KIF25: variants seen among roughly 807,000 people sequenced by gnomAD.
The protein encoded by KIF25 is kinesin family member 25.
Under a neutral mutation model 32.9 loss-of-function variants are expected in KIF25, and 19 were observed. The ratio of observed to expected loss-of-function variants is 0.58; its 90% CI spans 0.40 to 0.85. The LOEUF is 0.85. KIF25 is among the 40% of genes least tolerant of loss of function. The pLI is 0.00. For missense variants in KIF25, 485 were observed against 507.0 expected, an observed-to-expected ratio of 0.96 and a Z score of 0.42; for synonymous variants, 225 against 213.7, an observed-to-expected ratio of 1.05 and a Z score of -0.46.
chr6:168,005,503 A>G (rs955256929), intron 4 of KIF25, among the ~76,000 whole-genome samples: 1 of 152,130 alleles, frequency 6.6e-6, no homozygotes, highest in African/African-American at 2.4e-5. Flanking sequence ...CTCAGCTTCG[A>G]CCCTGTATTA....
chr6:168,033,957 C>T lies in KIF25; in HGVS notation c.243C>T (p.Asp81=), dbSNP rs1199175080. The T allele has an allele frequency of 6.8e-6, 11 of 1,614,138 alleles. No homozygotes were observed. The highest frequency in any genetic ancestry group is 4.5e-5 in the East Asian group (2 of 44,876). Residue 81 remains aspartate, a synonymous_variant, in exon 8 of 13, where the codon GAC becomes GAT. Transcript: ENST00000643607. The part of the protein sequence containing the change: ...KSYTMLGRHS[D]DGPVLPLDPQ... ...ATACCATGCTGGGACGCCATTCGGA[C>T]GACGGCCCTGTTCTGCCGCTTGACC...
chr6:168,041,893 C>T, intron 10 of KIF25, 76 bp from the exon 11 acceptor site: 2 of 1,446,456 alleles, frequency 1.4e-6, no homozygotes, highest in Non-Finnish European at 1.9e-6. Context: ...AGCTTCTCGG[C>T]TCTGACTGAG....
intron 4 of KIF25, among the ~76,000 whole-genome samples, chr6:168,010,927 C>T (rs1397633471): frequency 6.6e-6 from 1 of 152,026 alleles, no homozygotes; most frequent in Admixed American, 6.6e-5. Context: ...TAAGGCTACT[C>T]CTGATTGCTT....
At chr6:168,035,156 C>A (rs1798997618) in intron 8 of KIF25, among the ~76,000 whole-genome samples, 2 of 151,698 alleles carry the variant, frequency 1.3e-5, no homozygotes, top group African/African-American at 2.4e-5. Context: ...CAAGACCCCC[C>A]GCCGCGTCTC....
Position 168,040,049 on chromosome 6 carries a change from C to T in KIF25, c.495-16C>T. 6.2e-7 allele frequency: 1 copy of T among 1,605,532 alleles called. No individual in the cohort carries two copies. Among genetic ancestry groups the T allele is most frequent in the Non-Finnish European group, 8.5e-7 (1 of 1,174,782 alleles). On this transcript the variant is annotated splice_polypyrimidine_tract_variant and intron_variant, in intron 9 of 12. Transcript: ENST00000643607. ...GCCGCCCTCACTGTGTTCCCCACTG[C>T]TTGCCTTGTCTGTAGGGCTGTCGGC...
intron 4 of KIF25, among the ~76,000 whole-genome samples, chr6:168,009,368 AT>A (rs1562381308): frequency 6.6e-6 from 1 of 151,944 alleles, no homozygotes; most frequent in Non-Finnish European, 1.5e-5. Context: ...ATGTGACCCA[AT>A]TTGTTTAGTG....
At chr6:168,036,702 G>A (rs1459760127) in intron 8 of KIF25, among the ~76,000 whole-genome samples, 2 of 152,240 alleles carry the variant, frequency 1.3e-5, no homozygotes, top group Non-Finnish European at 2.9e-5. Context: ...GGGCCCAAGT[G>A]TGGAGGTTAA....
rs890409416 is a variant in KIF25, at chr6:168,028,252, G to A, written c.-94-1240G>A. Among the ~76,000 whole-genome samples, 57 of 152,018 alleles carry A rather than the reference G, an allele frequency of 3.7e-4. 1 individual carries two copies. The highest frequency in any genetic ancestry group is 6.8e-3 in the Middle Eastern group (2 of 294). On this transcript the variant is annotated intron_variant, in intron 5 of 12. Transcript: ENST00000643607. ...AGGATATAGAGATGGAGTTTTGCCC[G>A]TTGCCCAGGCTGGTCTCAAACTCTT...
intron 4 of KIF25, among the ~76,000 whole-genome samples, chr6:168,005,680 G>A (rs1798570124): frequency 1.3e-5 from 2 of 152,236 alleles, no homozygotes; most frequent in African/African-American, 4.8e-5. Flanking sequence ...GGAGTCCGAT[G>A]TTCGAGGGTA....
rs10717466 is a variant in KIF25, at chr6:168,039,116, T to TA, written c.494+395dup. Among the ~76,000 whole-genome samples the TA allele has an allele frequency of 5.1e-4, 78 of 151,740 alleles. 3 individuals are homozygous for TA. The highest frequency in any genetic ancestry group is 3.9e-4 in the East Asian group (2 of 5,168). On this transcript the variant is annotated intron_variant, in intron 9 of 12. Coordinates refer to ENST00000643607, the MANE Select transcript of KIF25 (RefSeq NM_030615.4). ...ATCTTAAAGCTGTTAGAGATAAAAG[T>TA]AAAAAAAACCACAAAAAATATTTTT...
intron 2 of KIF25, among the ~76,000 whole-genome samples, chr6:168,001,035 C>A (rs1798493777): frequency 6.6e-6 from 1 of 152,226 alleles, no homozygotes; most frequent in African/African-American, 2.4e-5. Context: ...AGTGTTTAGA[C>A]ATGATTGTGC....
chr6:168,004,336 C>T (rs1798549899), intron 4 of KIF25, among the ~76,000 whole-genome samples: 1 of 152,120 alleles, frequency 6.6e-6, no homozygotes, highest in Non-Finnish European at 1.5e-5. Context: ...GGGATAGAAG[C>T]CTGGGGATTA....
At chr6:168,042,283 C>T (rs1799135576) in intron 11 of KIF25, 132 bp downstream of exon 11, 1 of 999,094 alleles carries the variant, frequency 1.0e-6, no homozygotes, top group Non-Finnish European at 1.4e-6. Flanking sequence ...CAGGTGAGTT[C>T]CAAATCCCGT....
chr6:168,000,537 C>G (rs112562315), intron 2 of KIF25, among the ~76,000 whole-genome samples: 3,160 of 140,234 alleles, frequency 0.023, 196 homozygotes, highest in African/African-American at 0.086. Flanking sequence ...CTGCCCCTCC[C>G]CACTCCCATC....
Position 168,040,075 on chromosome 6 carries a change from A to G in KIF25, c.505A>G (p.Ser169Gly), listed in dbSNP as rs566835741. The stretch of plus-strand genomic sequence containing the variant: ...TTGCCTTGTCTGTAGGGCTGTCGGC[A>G]GCGCCTCGAAACTGATGGAGCTCGT... ...VALLASEAVGSASKLMELVHG... is the reference protein window; with the variant it reads ...VALLASEAVGGASKLMELVHG... The change falls in exon 10 of 13, where the codon AGC (serine) becomes GGC (glycine). Residue 169 changes from serine to glycine, a missense_variant. Coordinates refer to ENST00000643607, the MANE Select transcript of KIF25 (RefSeq NM_030615.4). 1 of 1,612,952 alleles carries G rather than the reference A, an allele frequency of 6.2e-7. No homozygotes were observed. Among genetic ancestry groups the G allele is most frequent in the East Asian group, 2.2e-5 (1 of 44,842 alleles).
chr6:168,029,797 T>TA, intron 6 of KIF25, 120 bp downstream of exon 6: 1 of 1,300,848 alleles, frequency 7.7e-7, no homozygotes, highest in Non-Finnish European at 1.1e-6. Flanking sequence ...AGTGAAAAGT[T>TA]AAAAAAGATC....
intron 8 of KIF25, 57 bp from the exon 9 acceptor site, chr6:168,038,496 C>A (rs1438457967): frequency 4.5e-6 from 7 of 1,571,404 alleles, no homozygotes; most frequent in Non-Finnish European, 5.2e-6. Context: ...GATTGGCTTA[C>A]ACTGAAAATC....
chr6:168,039,575 G>T (rs1471431284), intron 9 of KIF25, among the ~76,000 whole-genome samples: 1 of 151,944 alleles, frequency 6.6e-6, no homozygotes, highest in Non-Finnish European at 1.5e-5. Context: ...AATCATCCAT[G>T]CAACCCTGAT....
At chr6:168,040,564 TAA>T (rs552500284) in intron 10 of KIF25, among the ~76,000 whole-genome samples, 2 of 146,046 alleles carry the variant, frequency 1.4e-5, no homozygotes, top group Admixed American at 6.9e-5. Context: ...AAAACTCTGT[TAA>T]AAAAAAAAAG....
Sources: allele counts gnomAD v4.1 joint callset (sites outside exome capture counted in the v4.1 genomes callset), GRCh38; gene constraint gnomAD v4.1.1; transcripts MANE v1.5; gene names NCBI Gene and HGNC (gene_info 2026-07-23, HGNC 2026-07-21).